FHIT: variants seen among roughly 807,000 people sequenced by gnomAD.
FHIT encodes bis(5'-adenosyl)-triphosphatase.
Under a neutral mutation model 17.9 loss-of-function variants are expected in FHIT, and 19 were observed. That is an observed-to-expected ratio of 1.06 (90% confidence interval 0.74 to 1.56). The LOEUF (loss-of-function observed/expected upper bound fraction) is 1.56. FHIT is among the 40% of genes most tolerant of loss of function. FHIT has a pLI of 0.00. For missense variants in FHIT, 248 were observed against 189.2 expected, an observed-to-expected ratio of 1.31 and a Z score of -1.82; for synonymous variants, 81 against 69.7, an observed-to-expected ratio of 1.16 and a Z score of -0.81.
intron 8 of FHIT, among the ~76,000 whole-genome samples, chr3:59,787,414 C>T (rs1055623634): frequency 6.0e-5 from 9 of 151,074 alleles, no homozygotes; most frequent in East Asian, 3.9e-4. Context: ...TGGGAAGTCA[C>T]GTCCTCATGA....
intron 5 of FHIT, among the ~76,000 whole-genome samples, chr3:60,105,779 G>A (rs1157481144): frequency 1.3e-5 from 2 of 152,004 alleles, no homozygotes; most frequent in Non-Finnish European, 2.9e-5. Context: ...AGCCCATCAT[G>A]AAGTATTTTA....
intron 1 of FHIT, among the ~76,000 whole-genome samples, chr3:61,247,408 T>C (rs572631884): frequency 6.6e-6 from 1 of 152,330 alleles, no homozygotes; most frequent in African/African-American, 2.4e-5. Context: ...TGCCTCACTC[T>C]AACCCTGAGC....
At chr3:60,097,123 T>C (rs927304227) in intron 5 of FHIT, among the ~76,000 whole-genome samples, 2 of 150,162 alleles carry the variant, frequency 1.3e-5, no homozygotes, top group Non-Finnish European at 3.0e-5. Context: ...TACCCAAATA[T>C]CAAGTAAGGA....
chr3:60,120,682 A>G (rs1705207525), intron 5 of FHIT, among the ~76,000 whole-genome samples: 1 of 152,126 alleles, frequency 6.6e-6, no homozygotes, highest in Non-Finnish European at 1.5e-5. Flanking sequence ...AAAATATTCA[A>G]TATCATCTTC....
rs530626953 is a variant in FHIT, at chr3:60,351,710, G to T, written c.103+185150C>A. On this transcript the variant is annotated intron_variant, in intron 5 of 9. Coordinates refer to ENST00000492590, the MANE Select transcript of FHIT (RefSeq NM_002012.4). ...TCCTCCTATTACTACTTGCCCTGGG[G>T]CCTTGTGAAAATCTAGAGAATCTAA... Among the ~76,000 whole-genome samples the T allele has an allele frequency of 4.3e-4, 65 of 152,262 alleles. No homozygotes were observed. In the South Asian group the frequency reaches 0.012, roughly 29 times the overall value.
chr3:60,002,488 A>T (rs79280186), intron 7 of FHIT, among the ~76,000 whole-genome samples: 1,700 of 152,282 alleles, frequency 0.011, 29 homozygotes, highest in African/African-American at 0.039. Flanking sequence ...TAAAATTTCA[A>T]AATGACCCTT....
chr3:60,132,538 T>C (rs145766994), intron 5 of FHIT, among the ~76,000 whole-genome samples: 1 of 152,326 alleles, frequency 6.6e-6, no homozygotes, highest in East Asian at 1.9e-4. Flanking sequence ...GAAAGCCCTT[T>C]AACATATTTA....
At chr3:60,300,371 T>C (rs1043128850) in intron 5 of FHIT, among the ~76,000 whole-genome samples, 1 of 152,076 alleles carries the variant, frequency 6.6e-6, no homozygotes, top group Non-Finnish European at 1.5e-5. Flanking sequence ...TATTCACAGC[T>C]TTACTTGAGA....
At chr3:60,463,947 C>G (rs560924164) in intron 5 of FHIT, among the ~76,000 whole-genome samples, 6 of 152,304 alleles carry the variant, frequency 3.9e-5, no homozygotes, top group Admixed American at 3.9e-4. Context: ...CTACTTTGGC[C>G]ATTCTAGCAA....
At chr3:61,097,958 A>G (rs2035694761) in intron 2 of FHIT, among the ~76,000 whole-genome samples, 1 of 151,956 alleles carries the variant, frequency 6.6e-6, no homozygotes, top group African/African-American at 2.4e-5. Flanking sequence ...GTTTAATTAG[A>G]TCTCATTTGT....
chr3:59,798,617 A>C (rs1288553464), intron 8 of FHIT, among the ~76,000 whole-genome samples: 1 of 152,230 alleles, frequency 6.6e-6, no homozygotes, highest in Non-Finnish European at 1.5e-5. Context: ...TAATGTACAC[A>C]AAGAAGTAGC....
intron 5 of FHIT, among the ~76,000 whole-genome samples, chr3:60,333,446 A>C (rs1221799241): frequency 6.6e-6 from 1 of 150,644 alleles, no homozygotes; most frequent in Non-Finnish European, 1.5e-5. Flanking sequence ...AACAGTTAAG[A>C]TACTGTGCCC....
chr3:60,042,214 A>C (rs1701470383), intron 5 of FHIT, among the ~76,000 whole-genome samples: 1 of 152,216 alleles, frequency 6.6e-6, no homozygotes, highest in Non-Finnish European at 1.5e-5. Context: ...TGTTCTCCTC[A>C]GTTTCTGAGC....
chr3:60,502,409 T>C (rs1003774794), intron 5 of FHIT, among the ~76,000 whole-genome samples: 22 of 152,168 alleles, frequency 1.4e-4, no homozygotes, highest in African/African-American at 4.8e-5. Context: ...TCTCTTTATC[T>C]TCCTGTGGCA....
rs146382146 is a variant in FHIT, at chr3:60,475,972, C to T, written c.103+60888G>A. 2.2e-3 allele frequency among the ~76,000 whole-genome samples: 339 copies of T among 152,268 alleles called. 5 individuals are homozygous for T. Among genetic ancestry groups the T allele is most frequent in the Non-Finnish European group, 2.0e-3 (134 of 68,024 alleles). On this transcript the variant is annotated intron_variant, in intron 5 of 9. Transcript: ENST00000492590. ...TGTGTATTATGTGGGAAATAACACACAGGGAACTTGGCACAAGAACTGGCA... is the reference window on the plus strand; with the variant it reads ...TGTGTATTATGTGGGAAATAACACATAGGGAACTTGGCACAAGAACTGGCA...
intron 3 of FHIT, among the ~76,000 whole-genome samples, chr3:60,990,200 C>T (rs963773657): frequency 2.0e-5 from 3 of 152,130 alleles, no homozygotes; most frequent in South Asian, 2.1e-4. Flanking sequence ...AGTCTACATC[C>T]GAGGACCAAA....
At chr3:59,988,965 A>G (rs1157937606) in intron 7 of FHIT, among the ~76,000 whole-genome samples, 1 of 152,126 alleles carries the variant, frequency 6.6e-6, no homozygotes, top group Non-Finnish European at 1.5e-5. Context: ...CTCAATGAAT[A>G]CAAATGAATG....
At chr3:60,774,093 C>A (rs570660196) in intron 4 of FHIT, among the ~76,000 whole-genome samples, 30 of 152,032 alleles carry the variant, frequency 2.0e-4, no homozygotes, top group Non-Finnish European at 3.8e-4. Context: ...ATGGATAGAA[C>A]AAAGTAAATT....
chr3:60,547,055 G>C (rs2036390842), intron 4 of FHIT, among the ~76,000 whole-genome samples: 1 of 152,144 alleles, frequency 6.6e-6, no homozygotes, highest in Non-Finnish European at 1.5e-5. Context: ...AGTTTGATGG[G>C]AAAATTTGTG....
Sources: gnomAD v4.1 joint callset for allele counts (sites outside exome capture counted in the v4.1 genomes callset) on GRCh38, gnomAD v4.1.1 for gene constraint, MANE v1.5 for transcripts, NCBI Gene and HGNC (gene_info 2026-07-23, HGNC 2026-07-21) for gene names.